CARS2: variants seen among roughly 807,000 people sequenced by gnomAD.
CARS2 encodes cysteinyl-tRNA synthetase 2, mitochondrial.
A neutral mutation model predicts 68.8 loss-of-function variants in CARS2; 52 were observed. That is an observed-to-expected ratio of 0.76 (90% confidence interval 0.61 to 0.95). CARS2 has a LOEUF of 0.95. Ranked by LOEUF, CARS2 falls within the 40% of genes least tolerant of loss-of-function variation. The pLI is 0.00. For synonymous variants in CARS2, 314 were observed against 303.6 expected (o/e 1.03, Z -0.36); for missense variants, 780 against 754.2 (o/e 1.03, Z -0.40).
intron 5 of CARS2, among the ~76,000 whole-genome samples, chr13:110,685,992 G>GAAAAAAAAAAAAAAAAAAGAA (rs10668818): frequency 7.8e-6 from 1 of 128,722 alleles, no homozygotes; most frequent in Non-Finnish European, 1.6e-5. Flanking sequence ...CAGAAAAAAT[G>GAAAAAAAAAAAAAAAAAAGAA]AAAAAAAAAA....
chr13:110,680,582 C>T (rs913636613), intron 6 of CARS2, among the ~76,000 whole-genome samples: 1 of 151,462 alleles, frequency 6.6e-6, no homozygotes, highest in Non-Finnish European at 1.5e-5. Flanking sequence ...GTAGCCTTCT[C>T]CAGAAATTTA....
chr13:110,642,011 G>GGCCAAT (rs1887392676), intron 14 of CARS2, among the ~76,000 whole-genome samples: 1 of 152,150 alleles, frequency 6.6e-6, no homozygotes, highest in African/African-American at 2.4e-5. Context: ...AGACCAGCCT[G>GGCCAAT]ACCCACGTGG....
chr13:110,642,484 C>T lies in CARS2; in HGVS notation c.1454G>A (p.Gly485Asp), dbSNP rs761330441. 15 of 1,610,370 alleles carry T rather than the reference C, an allele frequency of 9.3e-6. No individual in the cohort carries two copies. The highest frequency in any genetic ancestry group is 2.7e-5 in the African/African-American group (2 of 74,902). ...SGDGSEATLH[G>D]VVDELVRFRQ... ...GAACCGCACCAGCTCGTCCACCACA[C>T]CATGCAAGGTAGCCTCGCTGCCGTC... Residue 485 changes from glycine (G) to aspartate (D), a missense_variant, in exon 14 of 15, where the codon GGT becomes GAT. Gly to Asp is a moderately conservative substitution (Grantham distance 94). Transcript: ENST00000257347.
At chr13:110,698,648 A>G (rs2063694485) in intron 3 of CARS2, among the ~76,000 whole-genome samples, 1 of 152,124 alleles carries the variant, frequency 6.6e-6, no homozygotes, top group African/African-American at 2.4e-5. Context: ...AGAGGTGAGA[A>G]CTTGAAGAAG....
At chr13:110,648,419 T>C (rs891727504) in intron 10 of CARS2, 1 of 152,212 alleles carries the variant, frequency 6.6e-6, no homozygotes, top group East Asian at 1.9e-4. Flanking sequence ...GCTGCATTTC[T>C]CCAAAGAGGA....
At chr13:110,686,750 G>T (rs1459335822) in intron 5 of CARS2, among the ~76,000 whole-genome samples, 4 of 151,822 alleles carry the variant, frequency 2.6e-5, no homozygotes, top group Non-Finnish European at 5.9e-5. Flanking sequence ...TAGAAAGAAG[G>T]TTTTAACATG....
At chr13:110,712,765 CG>C in intron 1 of CARS2, 1 of 706,724 alleles carries the variant, frequency 1.4e-6, no homozygotes, top group Non-Finnish European at 2.6e-6. Flanking sequence ...TGACACAGGG[CG>C]GGAAGAGATA....
chr13:110,701,681 C>A (rs1288585375), intron 2 of CARS2, 126 bp from the exon 3 acceptor site: 10 of 611,580 alleles, frequency 1.6e-5, no homozygotes. Flanking sequence ...GACAGGTCAG[C>A]GGAGCAGGTA....
rs2062719168 is a variant in CARS2 at position 110,668,676 on chromosome 13, T to C, written c.786-1203A>G. ...GGGGATGGGAGGGGCCTCATTTGTA[T>C]TTGGATGGGCAATTCTCCCTTCCGA... is the stretch of plus-strand genomic sequence containing the variant. On this transcript the variant is annotated intron_variant, in intron 7 of 14. Transcript: ENST00000257347. The surrounding 1 kb of genome is among the most constrained non-coding windows in gnomAD (Gnocchi z 4.1). Among the ~76,000 whole-genome samples, 1 of 152,156 alleles carries C rather than the reference T, an allele frequency of 6.6e-6. No homozygotes were observed. The highest frequency in any genetic ancestry group is 2.4e-5 in the African/African-American group (1 of 41,434).
intron 3 of CARS2, among the ~76,000 whole-genome samples, chr13:110,692,789 G>C (rs2063508864): frequency 6.6e-6 from 1 of 151,794 alleles, no homozygotes; most frequent in Admixed American, 6.6e-5. Flanking sequence ...ACTCCAGCTT[G>C]GGCAACAGCG....
chr13:110,704,631 G>C (rs2063887532), intron 2 of CARS2, among the ~76,000 whole-genome samples: 1 of 152,188 alleles, frequency 6.6e-6, no homozygotes, highest in Non-Finnish European at 1.5e-5. Flanking sequence ...GGCTGAGGCA[G>C]GAGAATTGCT....
chr13:110,703,242 T>C (rs1250258377), intron 2 of CARS2, among the ~76,000 whole-genome samples: 3 of 152,238 alleles, frequency 2.0e-5, no homozygotes, highest in Non-Finnish European at 4.4e-5. Flanking sequence ...GCAGGCACTG[T>C]GTGCATCCCT....
chr13:110,671,497 T>C (rs1039950835), intron 7 of CARS2, among the ~76,000 whole-genome samples: 16 of 152,158 alleles, frequency 1.1e-4, no homozygotes, highest in Non-Finnish European at 1.9e-4. Context: ...TAAAATCCTT[T>C]ACAGACAAGC....
intron 10 of CARS2, 170 bp downstream of exon 10, chr13:110,650,864 G>T: frequency 1.7e-6 from 1 of 576,132 alleles, no homozygotes; most frequent in Non-Finnish European, 3.0e-6. Flanking sequence ...GACCAGCACT[G>T]GGATCCCTCG....
At chr13:110,678,388 G>C (rs1007592431) in intron 6 of CARS2, among the ~76,000 whole-genome samples, 1 of 152,106 alleles carries the variant, frequency 6.6e-6, no homozygotes, top group African/African-American at 2.4e-5. Context: ...CATCTGCCCA[G>C]GACAGGCACA....
At chr13:110,664,344 CA>C in intron 8 of CARS2, 30 of 358,990 alleles carry the variant, frequency 8.4e-5, no homozygotes, top group Non-Finnish European at 1.1e-4. Flanking sequence ...CCGGTCTCTA[CA>C]AAAAAAATTA....
chr13:110,649,931 C>CTTTTTTTTTTTTTTTTTTTTTTT (rs59276783), intron 10 of CARS2, among the ~76,000 whole-genome samples: 5 of 73,146 alleles, frequency 6.8e-5, no homozygotes, highest in East Asian at 4.5e-4. Context: ...TGGATAACGA[C>CTTTTTTTTTTTTTTTTTTTTTTT]TTTTTTTTTT....
intron 12 of CARS2, chr13:110,645,765 T>G (rs1337749855): frequency 1.8e-6 from 1 of 557,510 alleles, no homozygotes; most frequent in East Asian, 3.4e-5. Context: ...CAGGTGGCCC[T>G]GAGGCCCGGG....
rs1435564445 is a variant in CARS2 at position 110,669,481 on chromosome 13, C to T, written c.786-2008G>A. Reference sequence around the variant, plus strand: ...AGCTTAAAATGTTTACCTTAATCATCCTTTCCTGTGTTTCTAATTTTTTAA... The same window carrying T: ...AGCTTAAAATGTTTACCTTAATCATTCTTTCCTGTGTTTCTAATTTTTTAA... On this transcript the variant is annotated intron_variant, in intron 7 of 14. Coordinates refer to ENST00000257347, the MANE Select transcript of CARS2 (RefSeq NM_024537.4). 2.6e-5 allele frequency among the ~76,000 whole-genome samples: 4 copies of T among 152,278 alleles called. No individual in the cohort carries two copies. In the East Asian group the frequency reaches 7.7e-4, roughly 29 times the overall value.
Sources: allele counts gnomAD v4.1 joint callset (sites outside exome capture counted in the v4.1 genomes callset), GRCh38; gene constraint gnomAD v4.1.1; non-coding constraint Gnocchi (gnomAD v3.1); transcripts MANE v1.5; gene names NCBI Gene and HGNC (gene_info 2026-07-23, HGNC 2026-07-21).